The following MYO5B variants were observed in gnomAD, a reference collection of about 807,000 sequenced individuals.
The protein encoded by MYO5B is myosin VB.
A neutral mutation model predicts 229.3 loss-of-function variants in MYO5B; 143 were observed. That is an observed-to-expected ratio of 0.62 (90% CI 0.54 to 0.72). The LOEUF is 0.72. Ranked by LOEUF, MYO5B falls within the 30% of genes least tolerant of loss-of-function variation. MYO5B has a pLI of 0.00. For synonymous variants in MYO5B, 918 were observed against 885.2 expected (o/e 1.04, Z -0.66); for missense variants, 2,321 against 2,331.0 (o/e 1.00, Z 0.09).
At chr18:49,931,138 G>C (rs1207692113) in intron 16 of MYO5B, among the ~76,000 whole-genome samples, 1 of 152,146 alleles carries the variant, frequency 6.6e-6, no homozygotes, top group Non-Finnish European at 1.5e-5. Context: ...CTTTCACTCT[G>C]GGACATGGTG....
chr18:50,030,876 GAAAAAAAAAAAAAAAAAAAAAAAAAAA>G (rs869189090), intron 4 of MYO5B, among the ~76,000 whole-genome samples: 145 of 30,500 alleles, frequency 4.8e-3, no homozygotes, highest in Middle Eastern at 0.029. Flanking sequence ...CTCCCTTTCA[GAAAAAAAAAAAAAAAAAAAAAAAAAAA>G]AAAAAAAAAA....
At chr18:50,080,419 C>A (rs367797001) in intron 1 of MYO5B, among the ~76,000 whole-genome samples, 49 of 152,234 alleles carry the variant, frequency 3.2e-4, no homozygotes, top group African/African-American at 1.2e-3. Flanking sequence ...CACTCTACGC[C>A]AATTTCTCTC....
intron 5 of MYO5B, among the ~76,000 whole-genome samples, chr18:49,996,383 A>G (rs2025987328): frequency 6.6e-6 from 1 of 152,250 alleles, no homozygotes; most frequent in African/African-American, 2.4e-5. Flanking sequence ...TTCAGACTAT[A>G]TTTAATAATA....
chr18:50,043,990 T>C (rs2030147299), intron 2 of MYO5B, among the ~76,000 whole-genome samples: 2 of 152,052 alleles, frequency 1.3e-5, no homozygotes, highest in African/African-American at 2.4e-5. Context: ...CTAAAGAACT[T>C]ACTCATCTAA....
intron 8 of MYO5B, among the ~76,000 whole-genome samples, chr18:49,983,235 T>C (rs2025835513): frequency 6.6e-6 from 1 of 152,180 alleles, no homozygotes; most frequent in African/African-American, 2.4e-5. Context: ...CAATAGAGGG[T>C]ATTCCGGCGA....
chr18:50,032,078 T>C (rs1261716288), intron 4 of MYO5B, among the ~76,000 whole-genome samples: 1 of 152,224 alleles, frequency 6.6e-6, no homozygotes, highest in Non-Finnish European at 1.5e-5. Flanking sequence ...TCCACAGTCT[T>C]GCTTCACCTT....
intron 1 of MYO5B, among the ~76,000 whole-genome samples, chr18:50,074,384 C>T (rs2031029422): frequency 6.6e-6 from 1 of 152,162 alleles, no homozygotes; most frequent in South Asian, 2.1e-4. Context: ...TCCTAAACAG[C>T]AGTCAGAGCA....
chr18:49,915,891 G>A (rs1248873850), intron 17 of MYO5B, among the ~76,000 whole-genome samples: 1 of 152,176 alleles, frequency 6.6e-6, no homozygotes, highest in Admixed American at 6.5e-5. Context: ...TTTAAATATA[G>A]ACACTTATCT....
chr18:50,091,021 C>T (rs1266488761), intron 1 of MYO5B, among the ~76,000 whole-genome samples: 1 of 152,204 alleles, frequency 6.6e-6, no homozygotes, highest in Non-Finnish European at 1.5e-5. Context: ...TTTTAAGTTG[C>T]TTACCGGCAG....
chr18:49,995,377 C>T (rs2025976808), intron 5 of MYO5B, among the ~76,000 whole-genome samples: 1 of 151,366 alleles, frequency 6.6e-6, no homozygotes, highest in African/African-American at 2.4e-5. Flanking sequence ...GCCTCAGCCT[C>T]CCAAGTAGCT....
At chr18:49,932,423 G>A (rs187276517) in intron 16 of MYO5B, among the ~76,000 whole-genome samples, 4 of 152,264 alleles carry the variant, frequency 2.6e-5, no homozygotes, top group Admixed American at 1.3e-4. Context: ...TTCCCTCTTC[G>A]TGACCAGCTC....
At chr18:50,185,669 TCAA>T (rs1251558891) in intron 1 of MYO5B, among the ~76,000 whole-genome samples, 3 of 152,162 alleles carry the variant, frequency 2.0e-5, no homozygotes, top group Admixed American at 2.0e-4. Flanking sequence ...ATTATTACTG[TCAA>T]CAAAAAACAA....
At chr18:49,946,722 AG>A (rs1414128108) in intron 14 of MYO5B, among the ~76,000 whole-genome samples, 1 of 152,228 alleles carries the variant, frequency 6.6e-6, no homozygotes, top group Non-Finnish European at 1.5e-5. Context: ...TTATTTGAAA[AG>A]CTAGGTTTTC....
chr18:49,978,790 G>T (rs2025782843), intron 9 of MYO5B, among the ~76,000 whole-genome samples: 2 of 150,456 alleles, frequency 1.3e-5, no homozygotes, highest in Admixed American at 1.3e-4. Flanking sequence ...CATGAAAGAA[G>T]AAGTGACCTG....
chr18:49,910,382 A>G (rs2024944636), intron 18 of MYO5B, among the ~76,000 whole-genome samples: 1 of 152,236 alleles, frequency 6.6e-6, no homozygotes, highest in South Asian at 2.1e-4. Context: ...AGGCAGCCAC[A>G]TGGCAGAGTG....
chr18:49,974,819 A>ACACACACACACACACACACACACG (rs1340944787), intron 9 of MYO5B, among the ~76,000 whole-genome samples: 2 of 151,678 alleles, frequency 1.3e-5, no homozygotes, highest in Non-Finnish European at 2.9e-5. Context: ...ACACACACAC[A>ACACACACACACACACACACACACG]CACACACACT....
Position 50,194,837 on chromosome 18 carries a change from C to T in MYO5B, c.-44G>A. 5 of 1,288,758 alleles carry T rather than the reference C, an allele frequency of 3.9e-6. No homozygotes were observed. The highest frequency in any genetic ancestry group is 1.6e-5 in the African/African-American group (1 of 64,316). The allele number at this position is 1,288,758 out of a possible 1,614,324, so 79.8% of individuals were successfully genotyped here. A position where few individuals can be genotyped will look rare whatever the true frequency, so the allele number is the denominator to read the frequency against. On this transcript the variant is annotated 5_prime_UTR_variant, in exon 1 of 40. Transcript: ENST00000285039. ...CTCGGGCCCCGGCTCCTGGCTGCCCCGCGGCTCTCAGTCCGCGGCTGGCCC... is the reference window on the plus strand; with the variant it reads ...CTCGGGCCCCGGCTCCTGGCTGCCCTGCGGCTCTCAGTCCGCGGCTGGCCC...
chr18:49,887,409 A>C (rs2024655755), intron 22 of MYO5B, among the ~76,000 whole-genome samples: 2 of 152,078 alleles, frequency 1.3e-5, no homozygotes, highest in Admixed American at 1.3e-4. Context: ...GTTAAGGGGA[A>C]GCAACGTTTT....
intron 7 of MYO5B, 21 bp downstream of exon 7, chr18:49,990,418 G>A: frequency 1.9e-6 from 3 of 1,601,306 alleles, no homozygotes; most frequent in Non-Finnish European, 2.6e-6. Flanking sequence ...CCAGAGGATA[G>A]GCATGCACCT....
Sources: allele counts gnomAD v4.1 joint callset (sites outside exome capture counted in the v4.1 genomes callset), GRCh38; gene constraint gnomAD v4.1.1; transcripts MANE v1.5; gene names NCBI Gene and HGNC (gene_info 2026-07-23, HGNC 2026-07-21).